PAN3: variants seen among roughly 807,000 people sequenced by gnomAD.
PAN3 encodes the protein PAN2-PAN3 deadenylation complex subunit PAN3.
A neutral mutation model predicts 96.2 loss-of-function variants in PAN3; 19 were observed. The observed-to-expected ratio is 0.20, with a 90% CI of 0.14 to 0.29. The LOEUF (loss-of-function observed/expected upper bound fraction) is 0.29, where lower values mean the gene tolerates loss of function less well. Among genes scored for constraint, PAN3 ranks in the 10% least tolerant of loss-of-function variants. The pLI is 1.00. For synonymous variants in PAN3, 433 were observed against 406.6 expected, an observed-to-expected ratio of 1.06 and a Z score of -0.78; for missense variants, 882 against 1,108.1, an observed-to-expected ratio of 0.80 and a Z score of 2.90.
In PAN3 at chr13:28,138,993, C is replaced by T. The variant is rs1426375704; in HGVS notation, c.336C>T (p.Pro112=). Reference sequence around the variant, plus strand: ...CGGGCGGGGGAGCTGGGCCGCCCCCCGGGCCCAAGAAGCCGGACCTGGGGG... The same window carrying T: ...CGGGCGGGGGAGCTGGGCCGCCCCCTGGGCCCAAGAAGCCGGACCTGGGGG... ...AVAGGGAGPP[P]GPKKPDLGDP... The change falls in exon 1 of 19, where the codon CCC becomes CCT. Residue 112 remains proline, a synonymous_variant. Coordinates refer to ENST00000380958, the MANE Select transcript of PAN3 (RefSeq NM_175854.8). The T allele has an allele frequency of 7.9e-7, 1 of 1,271,268 alleles. No homozygotes were observed. Among genetic ancestry groups the T allele is most frequent in the Non-Finnish European group, 9.9e-7 (1 of 1,008,862 alleles). 78.7% of individuals were successfully genotyped at this position (1,271,268 alleles called of 1,614,324 possible).
intron 1 of PAN3, among the ~76,000 whole-genome samples, chr13:28,155,732 CAT>C (rs1215563138): frequency 6.6e-6 from 1 of 152,038 alleles, no homozygotes; most frequent in Non-Finnish European, 1.5e-5. Flanking sequence ...TATACACACA[CAT>C]ATACATAAAA....
intron 5 of PAN3, among the ~76,000 whole-genome samples, chr13:28,198,262 C>G (rs889762720): frequency 6.6e-5 from 10 of 151,374 alleles, no homozygotes; most frequent in Non-Finnish European, 1.2e-4. Context: ...CCCACTCCAG[C>G]CTGGGCAACA....
intron 1 of PAN3, among the ~76,000 whole-genome samples, chr13:28,153,751 C>G (rs1047467899): frequency 6.6e-6 from 1 of 152,276 alleles, no homozygotes; most frequent in African/African-American, 2.4e-5. Context: ...CCTCCAGATG[C>G]TAGCTTACTA....
At chr13:28,172,010 C>G (rs752140367) in intron 1 of PAN3, among the ~76,000 whole-genome samples, 2 of 152,144 alleles carry the variant, frequency 1.3e-5, no homozygotes, top group South Asian at 2.1e-4. Flanking sequence ...ATATTTGAAC[C>G]AAAGATGCTC....
chr13:28,164,554 T>A (rs956176147), intron 1 of PAN3, among the ~76,000 whole-genome samples: 1 of 152,252 alleles, frequency 6.6e-6, no homozygotes, highest in African/African-American at 2.4e-5. Context: ...TCTCTGAAGA[T>A]GTTCCATGTA....
chr13:28,196,438 T>C (rs1878065431), intron 4 of PAN3, among the ~76,000 whole-genome samples: 1 of 152,172 alleles, frequency 6.6e-6, no homozygotes, highest in African/African-American at 2.4e-5. Context: ...AGATAGCTTA[T>C]TAATTTTCTT....
At chr13:28,228,605 A>C (rs1194335242) in intron 6 of PAN3, among the ~76,000 whole-genome samples, 1 of 152,188 alleles carries the variant, frequency 6.6e-6, no homozygotes, top group Admixed American at 6.5e-5. Context: ...TGGTATCCCT[A>C]TACATAGTAA....
At chr13:28,152,630 A>C (rs112841399) in intron 1 of PAN3, among the ~76,000 whole-genome samples, 1 of 152,048 alleles carries the variant, frequency 6.6e-6, no homozygotes, top group Non-Finnish European at 1.5e-5. Context: ...ATTACAGTTG[A>C]GTCCTTTTGT....
intron 15 of PAN3, 89 bp from the exon 16 acceptor site, chr13:28,280,323 G>T: frequency 1.4e-6 from 2 of 1,412,412 alleles, no homozygotes; most frequent in South Asian, 1.5e-5. Context: ...GTGCTAAGAT[G>T]ACGGCAGCCA....
intron 5 of PAN3, among the ~76,000 whole-genome samples, chr13:28,201,086 G>A (rs1296192887): frequency 2.0e-5 from 3 of 151,138 alleles, no homozygotes; most frequent in African/African-American, 7.3e-5. Context: ...AGGCTGGAAT[G>A]CAGTAATGCA....
chr13:28,255,248 A>G (rs1885042709), intron 6 of PAN3, among the ~76,000 whole-genome samples: 1 of 152,142 alleles, frequency 6.6e-6, no homozygotes, highest in Non-Finnish European at 1.5e-5. Context: ...TATTTTTTTC[A>G]GGAAGGGTAA....
In PAN3 at chr13:28,260,607, C is replaced by T. The variant is rs924040393; in HGVS notation, c.1353+56C>T. ...TTAATGTCTCCTGTGCTTTAGTGAA[C>T]AGGGGAAAGAACAGAGCTCTTTTCA... On this transcript the variant is annotated intron_variant, in intron 8 of 18. Transcript: ENST00000380958. 9 of 1,365,594 alleles carry T rather than the reference C, an allele frequency of 6.6e-6. No individual in the cohort carries two copies. In the African/African-American group the frequency reaches 1.2e-4, roughly 17 times the overall value. The allele number at this position is 1,365,594 out of a possible 1,614,324, so 84.6% of individuals were successfully genotyped here.
intron 1 of PAN3, among the ~76,000 whole-genome samples, chr13:28,150,958 A>G (rs1871287993): frequency 6.6e-6 from 1 of 152,174 alleles, no homozygotes; most frequent in African/African-American, 2.4e-5. Flanking sequence ...CCTACTAAAA[A>G]CAAAAAGGTA....
Position 28,138,746 on chromosome 13 carries a change from C to A in PAN3, c.89C>A (p.Pro30Gln), listed in dbSNP as rs1443750436. Residue 30 changes from proline to glutamine, a missense_variant, in exon 1 of 19, where the codon CCG becomes CAG. Around this residue, in one of 3 missense-constraint regions of PAN3, gnomAD observed 442 missense variants for 422.8 expected, o/e 1.05. Transcript: ENST00000380958. Reference sequence around the variant, plus strand: ...GCGGCGGCGGTGGCGGTGGTGGCCCCGCCGGGGGTCGGGGGTGTCCCCGGC... The same window carrying A: ...GCGGCGGCGGTGGCGGTGGTGGCCCAGCCGGGGGTCGGGGGTGTCCCCGGC... ...SLAAAVAVVAPPGVGGVPGGA... is the reference protein window; with the variant it reads ...SLAAAVAVVAQPGVGGVPGGA... 2.3e-6 allele frequency: 3 copies of A among 1,324,986 alleles called. No homozygotes were observed. Among genetic ancestry groups the A allele is most frequent in the Non-Finnish European group, 2.9e-6 (3 of 1,042,766 alleles). The allele number at this position is 1,324,986 out of a possible 1,614,324, so 82.1% of individuals were successfully genotyped here.
At chr13:28,246,016 G>A (rs1376037884) in intron 6 of PAN3, among the ~76,000 whole-genome samples, 1 of 152,034 alleles carries the variant, frequency 6.6e-6, no homozygotes, top group Non-Finnish European at 1.5e-5. Context: ...TATGTTTTTA[G>A]TGCTCTTCGG....
chr13:28,205,709 G>A (rs1219530047), intron 5 of PAN3, among the ~76,000 whole-genome samples: 1 of 151,930 alleles, frequency 6.6e-6, no homozygotes, highest in East Asian at 1.9e-4. Flanking sequence ...TGGGTGTGGT[G>A]ACATGTGCTT....
intron 9 of PAN3, among the ~76,000 whole-genome samples, chr13:28,263,049 T>C (rs2138629338): frequency 6.6e-6 from 1 of 152,328 alleles, no homozygotes; most frequent in South Asian, 2.1e-4. Context: ...TCAAATCTTT[T>C]CATGGAGTAT....
intron 6 of PAN3, among the ~76,000 whole-genome samples, chr13:28,243,108 G>GT (rs1415046025): frequency 1.6e-4 from 24 of 152,008 alleles, no homozygotes; most frequent in South Asian, 4.2e-4. Context: ...TTCCCTTCCA[G>GT]TTTTTTTTCC....
chr13:28,255,400 G>GT lies in PAN3; in HGVS notation c.1001-885dup, dbSNP rs1185669245. 2.6e-5 allele frequency among the ~76,000 whole-genome samples: 4 copies of GT among 151,982 alleles called. 1 individual carries two copies. Among genetic ancestry groups the GT allele is most frequent in the South Asian group, 4.1e-4 (2 of 4,824 alleles). On this transcript the variant is annotated intron_variant, in intron 6 of 18. Coordinates refer to ENST00000380958, the MANE Select transcript of PAN3 (RefSeq NM_175854.8). ...TTGTAGTGTATTAGTTTATATTTGG[G>GT]TTTTTTTAAGTTATTTTATGTCTTT...
Sources: allele counts gnomAD v4.1 joint callset (sites outside exome capture counted in the v4.1 genomes callset), GRCh38; gene constraint gnomAD v4.1.1; regional missense constraint gnomAD v4.1.1; transcripts MANE v1.5; gene names NCBI Gene and HGNC (gene_info 2026-07-23, HGNC 2026-07-21).